Variants in PCDHA3 observed in about 807,000 individuals in gnomAD.
The protein encoded by PCDHA3 is protocadherin alpha 3.
Under a neutral mutation model 62.2 loss-of-function variants are expected in PCDHA3, and 41 were observed. The observed-to-expected ratio is 0.66, with a 90% CI of 0.51 to 0.86. The LOEUF (loss-of-function observed/expected upper bound fraction) is 0.86. Among genes scored for constraint, PCDHA3 ranks in the 40% least tolerant of loss-of-function variants. The probability of loss-of-function intolerance (pLI) is 0.00; values close to 1 mark genes in which losing one functional copy is unlikely to be tolerated. For synonymous variants in PCDHA3, 640 were observed against 555.4 expected (o/e 1.15, Z -2.14); for missense variants, 1,304 against 1,241.2 (o/e 1.05, Z -0.76).
chr5:140,883,315 G>A (rs782377860), intron 1 of PCDHA3: 1 of 1,614,104 alleles, frequency 6.2e-7, no homozygotes, highest in Admixed American at 1.7e-5. Flanking sequence ...ACGCCCCAGA[G>A]GTTACCATCA....
At chr5:140,928,994 T>G (rs781964406) in intron 1 of PCDHA3, 2 of 1,613,992 alleles carry the variant, frequency 1.2e-6, no homozygotes, top group Admixed American at 3.3e-5. Flanking sequence ...TGCTTACTTT[T>G]CTTCGTGTGT....
rs190183922 is a variant in PCDHA3, at chr5:140,912,839, T to C, written c.2395-66110T>C. ...AGGGATTTTGAATTTTATTAAATGC[T>C]TTTTCAGCATCAATTGAAATGATAT... On this transcript the variant is annotated intron_variant, in intron 1 of 3. Coordinates refer to ENST00000522353, the MANE Select transcript of PCDHA3 (RefSeq NM_018906.3). Among the ~76,000 whole-genome samples the C allele has an allele frequency of 6.6e-5, 10 of 152,356 alleles. No individual in the cohort carries two copies. In the East Asian group the frequency reaches 1.9e-3, roughly 29 times the overall value.
At chr5:140,973,858 C>G (rs1277402007) in intron 1 of PCDHA3, among the ~76,000 whole-genome samples, 1 of 152,156 alleles carries the variant, frequency 6.6e-6, no homozygotes, top group Non-Finnish European at 1.5e-5. Flanking sequence ...AATTTTTGCT[C>G]TCAATGAGAG....
chr5:140,977,032 A>G (rs1488885995), intron 1 of PCDHA3, among the ~76,000 whole-genome samples: 3 of 152,212 alleles, frequency 2.0e-5, no homozygotes, highest in African/African-American at 7.2e-5. Flanking sequence ...TGAATCTAAG[A>G]AGGATGTTGT....
At chr5:140,865,269 T>C (rs2048801874) in intron 1 of PCDHA3, 1 of 152,262 alleles carries the variant, frequency 6.6e-6, no homozygotes. Flanking sequence ...TATCAAATTA[T>C]ATGTAAAATT....
intron 1 of PCDHA3, among the ~76,000 whole-genome samples, chr5:140,959,004 C>G (rs1554223791): frequency 6.6e-6 from 1 of 151,642 alleles, no homozygotes; most frequent in African/African-American, 2.4e-5. Flanking sequence ...TTTACTGTAC[C>G]TAATTTATAC....
intron 1 of PCDHA3, chr5:140,928,844 C>T (rs782361945): frequency 1.2e-6 from 2 of 1,614,168 alleles, no homozygotes; most frequent in Non-Finnish European, 1.7e-6. Flanking sequence ...TCCTCTGTCA[C>T]TCTGGGTGTG....
intron 1 of PCDHA3, among the ~76,000 whole-genome samples, chr5:140,881,901 T>C (rs1455904146): frequency 6.6e-6 from 1 of 152,208 alleles, no homozygotes; most frequent in Non-Finnish European, 1.5e-5. Context: ...TGTCAGCTAA[T>C]ATAAAATGTT....
At chr5:140,993,468 A>G (rs1327306188) in intron 3 of PCDHA3, among the ~76,000 whole-genome samples, 1 of 69,412 alleles carries the variant, frequency 1.4e-5, no homozygotes, top group African/African-American at 5.6e-5. Context: ...TTTCTCACAC[A>G]CACACACACA....
chr5:140,900,141 A>G (rs2067777266), intron 1 of PCDHA3, among the ~76,000 whole-genome samples: 1 of 152,202 alleles, frequency 6.6e-6, no homozygotes, highest in Middle Eastern at 3.2e-3. Context: ...ACAAATAAGT[A>G]AGAACATACG....
chr5:140,967,969 C>T (rs997628696), intron 1 of PCDHA3: 3 of 1,614,064 alleles, frequency 1.9e-6, no homozygotes, highest in African/African-American at 1.3e-5. Flanking sequence ...GGAAAGTGAG[C>T]CTGGGTCTGG....
chr5:140,848,506 C>A (rs1229499943), intron 1 of PCDHA3: 1 of 1,588,430 alleles, frequency 6.3e-7, no homozygotes. Context: ...ATGTTATACT[C>A]AAGTCGAGGA....
intron 1 of PCDHA3, chr5:140,857,948 C>T (rs1160932490): frequency 2.5e-6 from 4 of 1,597,436 alleles, no homozygotes; most frequent in African/African-American, 1.3e-5. Flanking sequence ...CAGTACGACG[C>T]GCGCTCTGGA....
At chr5:140,866,433 C>CTGAA (rs1217236180) in intron 1 of PCDHA3, 1 of 151,814 alleles carries the variant, frequency 6.6e-6, no homozygotes, top group Non-Finnish European at 1.5e-5. Context: ...GTCTTTCAGT[C>CTGAA]TTCTTCAGTC....
At chr5:140,840,691 CG>C (rs1465189614) in intron 1 of PCDHA3, among the ~76,000 whole-genome samples, 3 of 151,924 alleles carry the variant, frequency 2.0e-5, no homozygotes, top group Admixed American at 6.6e-5. Context: ...GTAAATAAAA[CG>C]GTTCAGGCAA....
intron 1 of PCDHA3, among the ~76,000 whole-genome samples, chr5:140,889,433 G>A (rs994872798): frequency 8.6e-5 from 13 of 151,828 alleles, no homozygotes; most frequent in Non-Finnish European, 1.9e-4. Context: ...TATTTTTTCA[G>A]GTATTTTCCT....
chr5:140,843,884 A>G, intron 1 of PCDHA3: 1 of 710,520 alleles, frequency 1.4e-6, no homozygotes, highest in South Asian at 2.0e-5. Flanking sequence ...GGCATAATAC[A>G]GTATTAATCA....
intron 1 of PCDHA3, among the ~76,000 whole-genome samples, chr5:140,904,286 T>A (rs2071021710): frequency 6.6e-6 from 1 of 152,150 alleles, no homozygotes; most frequent in South Asian, 2.1e-4. Context: ...ATGTGGTGTT[T>A]GGTTTTCCAT....
intron 1 of PCDHA3, chr5:140,877,285 G>C: frequency 1.2e-6 from 2 of 1,613,898 alleles, no homozygotes; most frequent in Non-Finnish European, 1.7e-6. Context: ...CGGCTATAAC[G>C]CTTGGCTGTC....
Sources: gnomAD v4.1 joint callset for allele counts (sites outside exome capture counted in the v4.1 genomes callset) on GRCh38, gnomAD v4.1.1 for gene constraint, MANE v1.5 for transcripts, NCBI Gene and HGNC (gene_info 2026-07-23, HGNC 2026-07-21) for gene names.